The following FCRL2 variants were observed in gnomAD, a reference collection of about 807,000 sequenced individuals.
FCRL2 encodes Fc receptor-like protein 2.
FCRL2 carries 48 observed loss-of-function variants against 59.8 expected under a neutral mutation model. The observed-to-expected ratio is 0.80, with a 90% CI of 0.64 to 1.02. The LOEUF (loss-of-function observed/expected upper bound fraction) is 1.02. FCRL2 is among the 50% of genes least tolerant of loss of function. The probability of loss-of-function intolerance (pLI) is 0.00; values close to 1 mark genes in which losing one functional copy is unlikely to be tolerated. For missense variants in FCRL2, 658 were observed against 597.3 expected, an observed-to-expected ratio of 1.10 and a Z score of -1.06; for synonymous variants, 251 against 229.5, an observed-to-expected ratio of 1.09 and a Z score of -0.85.
At chr1:157,749,500 A>G (rs892072009) in intron 8 of FCRL2, 150 bp downstream of exon 8, 9 of 543,548 alleles carry the variant, frequency 1.7e-5, no homozygotes, top group Non-Finnish European at 3.0e-5. Flanking sequence ...GCAGAAATGT[A>G]ATGCAGTAGA....
chr1:157,776,019 G>A (rs1650382992), intron 1 of FCRL2, among the ~76,000 whole-genome samples: 2 of 152,028 alleles, frequency 1.3e-5, no homozygotes, highest in African/African-American at 4.8e-5. Context: ...TTGACTAAAG[G>A]GATTGTCGAG....
intron 7 of FCRL2, among the ~76,000 whole-genome samples, chr1:157,761,880 A>C (rs1282825668): frequency 1.3e-5 from 2 of 152,242 alleles, no homozygotes; most frequent in East Asian, 3.8e-4. Flanking sequence ...GATGTCTTCA[A>C]ACTTCCAGTA....
chr1:157,775,395 T>C (rs919878672), intron 2 of FCRL2, among the ~76,000 whole-genome samples: 2 of 152,244 alleles, frequency 1.3e-5, no homozygotes, highest in Admixed American at 6.5e-5. Context: ...CACATTCCTC[T>C]ATAAATAGCT....
intron 7 of FCRL2, among the ~76,000 whole-genome samples, chr1:157,755,867 A>T (rs1299648383): frequency 1.3e-5 from 2 of 152,360 alleles, no homozygotes; most frequent in East Asian, 3.9e-4. Context: ...TATTGCTAAG[A>T]GTGGGAGCCT....
chr1:157,765,749 AT>A (rs1369823862), intron 7 of FCRL2, among the ~76,000 whole-genome samples: 1 of 152,198 alleles, frequency 6.6e-6, no homozygotes, highest in Non-Finnish European at 1.5e-5. Context: ...CAGTTCTCCC[AT>A]TTAGAGGTGA....
intron 8 of FCRL2, 80 bp from the exon 9 acceptor site, chr1:157,749,040 C>A: frequency 8.1e-7 from 1 of 1,234,398 alleles, no homozygotes; most frequent in Non-Finnish European, 1.2e-6. Context: ...GAGGAGAGAG[C>A]AGGTGGAAGC....
Position 157,748,732 on chromosome 1 carries a change from A to T in FCRL2, c.1394-114T>A, listed in dbSNP as rs886773946. ...TATCCTTCCTCTCAACCCCAACATG[A>T]TTCTGAGAGAGTCTGTTATTTATTG... On this transcript the variant is annotated intron_variant, in intron 9 of 11. Coordinates refer to ENST00000361516, the MANE Select transcript of FCRL2 (RefSeq NM_030764.4). The T allele has an allele frequency of 3.4e-6, 4 of 1,191,456 alleles. No homozygotes were observed. The African/African-American group carries it at 6.0e-5, about 18-fold the overall frequency. The allele number at this position is 1,191,456 out of a possible 1,614,324, so 73.8% of individuals were successfully genotyped here.
chr1:157,752,972 A>G (rs1011584050), intron 7 of FCRL2, among the ~76,000 whole-genome samples: 11 of 152,150 alleles, frequency 7.2e-5, no homozygotes, highest in Non-Finnish European at 1.6e-4. Flanking sequence ...TCATGATGGG[A>G]ACAACCTTGA....
chr1:157,770,776 G>T, intron 2 of FCRL2, 110 bp from the exon 3 acceptor site: 1 of 1,194,940 alleles, frequency 8.4e-7, no homozygotes, highest in Non-Finnish European at 1.2e-6. Context: ...TAAACAAGAT[G>T]GAAGTTCCAA....
Position 157,758,128 on chromosome 1 carries a change from G to A in FCRL2, c.1280-8451C>T, listed in dbSNP as rs560992983. ...GTTGAAGATGGGCTTGGTGTATCAT[G>A]GCGTACATCTGAGGTAACTTTCTCG... On this transcript the variant is annotated intron_variant, in intron 7 of 11. Coordinates refer to ENST00000361516, the MANE Select transcript of FCRL2 (RefSeq NM_030764.4). Among the ~76,000 whole-genome samples, 51 of 152,282 alleles carry A rather than the reference G, an allele frequency of 3.3e-4. 2 individuals are homozygous for A. In the South Asian group the frequency reaches 9.9e-3, roughly 30 times the overall value.
At chr1:157,773,094 G>A (rs112073939) in intron 2 of FCRL2, among the ~76,000 whole-genome samples, 8 of 152,320 alleles carry the variant, frequency 5.3e-5, no homozygotes, top group African/African-American at 1.9e-4. Context: ...CCTCAAGGCA[G>A]AAGCCTGTAC....
intron 7 of FCRL2, among the ~76,000 whole-genome samples, chr1:157,758,094 T>A (rs74119542): frequency 0.018 from 2,704 of 152,312 alleles, 71 homozygotes; most frequent in African/African-American, 0.061. Flanking sequence ...CTTTTGTAAG[T>A]ATAAAAGAGT....
rs757963628 is a variant in FCRL2, at chr1:157,748,968, A to G, written c.1308-8T>C. The G allele has an allele frequency of 6.2e-7, 1 of 1,611,262 alleles. No homozygotes were observed. Among genetic ancestry groups the G allele is most frequent in the African/African-American group, 1.3e-5 (1 of 74,974 alleles). ...TTTGGCCTGGAAGCCCCTCTGTGAG[A>G]AAGTGAATTAATTGTATGATAATCC... On this transcript the variant is annotated splice_polypyrimidine_tract_variant and splice_region_variant and intron_variant, in intron 8 of 11. Coordinates refer to ENST00000361516, the MANE Select transcript of FCRL2 (RefSeq NM_030764.4).
At chr1:157,775,738 C>A in intron 2 of FCRL2, 37 bp downstream of exon 2, 2 of 1,612,990 alleles carry the variant, frequency 1.2e-6, no homozygotes, top group Non-Finnish European at 1.7e-6. Flanking sequence ...GACTGATATG[C>A]CAGAGACCAA....
intron 7 of FCRL2, 90 bp from the exon 8 acceptor site, chr1:157,749,767 GT>G: frequency 1.0e-6 from 1 of 962,708 alleles, no homozygotes; most frequent in South Asian, 1.6e-5. Context: ...TAATCAGCTG[GT>G]AAGACATAAG....
chr1:157,770,680 A>G lies in FCRL2; in HGVS notation c.53-14T>C, dbSNP rs749912759. The G allele has an allele frequency of 7.4e-6, 12 of 1,613,378 alleles. No homozygotes were observed. The highest frequency in any genetic ancestry group is 8.5e-6 in the Non-Finnish European group (10 of 1,179,676). On this transcript the variant is annotated splice_polypyrimidine_tract_variant and intron_variant, in intron 2 of 11. Transcript: ENST00000361516. ...GGGTCAGCGAATCTGGAAGAGAAGGAGGGAAACCGGATTTGCCATTTCTGC... is the reference window on the plus strand; with the variant it reads ...GGGTCAGCGAATCTGGAAGAGAAGGGGGGAAACCGGATTTGCCATTTCTGC...
Position 157,746,454 on chromosome 1 carries a change from A to T in FCRL2, c.*282T>A. 5.9e-6 allele frequency: 3 copies of T among 508,436 alleles called. No homozygotes were observed. In the East Asian group the frequency reaches 9.9e-5, roughly 17 times the overall value. The allele number at this position is 508,436 out of a possible 1,614,324, so 31.5% of individuals were successfully genotyped here. A position where few individuals can be genotyped will look rare whatever the true frequency, so the allele number is the denominator to read the frequency against. The stretch of plus-strand genomic sequence containing the variant: ...AGGTGAGACCTTGTATCTCTTATTC[A>T]TTCTTCCCTCAAATCTTTACACACT... On this transcript the variant is annotated 3_prime_UTR_variant, in exon 12 of 12. Coordinates refer to ENST00000361516, the MANE Select transcript of FCRL2 (RefSeq NM_030764.4).
At position 157,748,534 on chromosome 1, in the gene FCRL2, C is replaced by T. The variant is rs1647934753; in HGVS notation, c.1459+19G>A. ...CCTGTGAATATGCATCTGACAAGAA[C>T]TACTTTGCAGTTTCTCACCTGAGCT... is the stretch of plus-strand genomic sequence containing the variant. On this transcript the variant is annotated intron_variant, in intron 10 of 11. Coordinates refer to ENST00000361516, the MANE Select transcript of FCRL2 (RefSeq NM_030764.4). 6.2e-7 allele frequency: 1 copy of T among 1,605,846 alleles called. No homozygotes were observed. The highest frequency in any genetic ancestry group is 2.2e-5 in the East Asian group (1 of 44,774).
intron 2 of FCRL2, among the ~76,000 whole-genome samples, chr1:157,774,277 T>A (rs1650244248): frequency 6.6e-6 from 1 of 152,162 alleles, no homozygotes; most frequent in Non-Finnish European, 1.5e-5. Context: ...TGCAGGGGAT[T>A]GTAATTCTCA....
Sources: allele counts gnomAD v4.1 joint callset (sites outside exome capture counted in the v4.1 genomes callset), GRCh38; gene constraint gnomAD v4.1.1; transcripts MANE v1.5; gene names NCBI Gene and HGNC (gene_info 2026-07-23, HGNC 2026-07-21).